ATF7IP2: variants seen among roughly 807,000 people sequenced by gnomAD.
The protein encoded by ATF7IP2 is activating transcription factor 7-interacting protein 2.
ATF7IP2 carries 42 observed loss-of-function variants against 64.2 expected under a neutral mutation model. The ratio of observed to expected loss-of-function variants is 0.65; its 90% CI spans 0.51 to 0.85. ATF7IP2 has a LOEUF of 0.85. Ranked by LOEUF, ATF7IP2 falls within the 40% of genes least tolerant of loss-of-function variation. The probability of loss-of-function intolerance (pLI) is 0.00; values close to 1 mark genes in which losing one functional copy is unlikely to be tolerated. For missense variants in ATF7IP2, 933 were observed against 784.2 expected (o/e 1.19, Z -2.27); for synonymous variants, 308 against 272.8 (o/e 1.13, Z -1.27).
intron 8 of ATF7IP2, among the ~76,000 whole-genome samples, chr16:10,455,607 A>T (rs1184466074): frequency 6.6e-6 from 1 of 152,224 alleles, no homozygotes; most frequent in South Asian, 2.1e-4. Flanking sequence ...GAGTAGGGTA[A>T]TGCATAGAGA....
In ATF7IP2 at chr16:10,428,915, C is replaced by G. The variant is rs1165378843; in HGVS notation, c.-112C>G. 6.6e-6 allele frequency: 1 copy of G among 151,770 alleles called. No individual in the cohort carries two copies. Among genetic ancestry groups the G allele is most frequent in the Non-Finnish European group, 1.5e-5 (1 of 67,958 alleles). 9.4% of individuals were successfully genotyped at this position (151,770 alleles called of 1,614,324 possible). A position where few individuals can be genotyped will look rare whatever the true frequency, so the allele number is the denominator to read the frequency against. On this transcript the variant is annotated 5_prime_UTR_variant, in exon 4 of 14. Transcript: ENST00000562102. Reference sequence around the variant, plus strand: ...TTGAGACACGGTCTCACTCTGTCACCCTTGCTGGAGTGCAGTGGTGCAATC... The same window carrying G: ...TTGAGACACGGTCTCACTCTGTCACGCTTGCTGGAGTGCAGTGGTGCAATC...
chr16:10,429,268 A>T (rs1169062409), intron 4 of ATF7IP2, among the ~76,000 whole-genome samples: 1 of 152,236 alleles, frequency 6.6e-6, no homozygotes, highest in Non-Finnish European at 1.5e-5. Flanking sequence ...TAGGAAAAAT[A>T]GAATTGTATA....
chr16:10,437,672 C>G (rs963433286), intron 6 of ATF7IP2, among the ~76,000 whole-genome samples: 1 of 152,156 alleles, frequency 6.6e-6, no homozygotes, highest in African/African-American at 2.4e-5. Context: ...GTAATTTGTT[C>G]TATATCTACT....
At chr16:10,420,630 A>T (rs2047972742) in intron 3 of ATF7IP2, among the ~76,000 whole-genome samples, 1 of 152,220 alleles carries the variant, frequency 6.6e-6, no homozygotes, top group Non-Finnish European at 1.5e-5. Flanking sequence ...TGTGAGTCCT[A>T]ATGTAAATGA....
rs185639399 is a variant in ATF7IP2, at chr16:10,469,064, T to C, written c.1353-3046T>C. ...ACTCTTCTGAAGAAATGAAACAACA[T>C]CCATTACCCAACAGCATAAATTTTA... is the stretch of plus-strand genomic sequence containing the variant. On this transcript the variant is annotated intron_variant, in intron 9 of 13. Transcript: ENST00000562102. Among the ~76,000 whole-genome samples the C allele has an allele frequency of 5.2e-4, 79 of 152,192 alleles. 2 individuals are homozygous for C. Among genetic ancestry groups the C allele is most frequent in the Admixed American group, 4.7e-3 (72 of 15,296 alleles).
At chr16:10,449,826 G>C (rs1483696793) in intron 8 of ATF7IP2, 1 of 151,984 alleles carries the variant, frequency 6.6e-6, no homozygotes, top group Non-Finnish European at 1.5e-5. Flanking sequence ...ATCTCCTTCA[G>C]TTCTGCTCTG....
At chr16:10,438,462 A>T (rs147147221) in intron 7 of ATF7IP2, among the ~76,000 whole-genome samples, 55 of 148,478 alleles carry the variant, frequency 3.7e-4, no homozygotes, top group African/African-American at 1.3e-3. Context: ...CATGTTGCCC[A>T]TGCTTCCCTC....
At chr16:10,422,142 T>C (rs1261372704) in intron 3 of ATF7IP2, among the ~76,000 whole-genome samples, 2 of 152,230 alleles carry the variant, frequency 1.3e-5, no homozygotes, top group African/African-American at 4.8e-5. Context: ...CTTTTTCTAA[T>C]TGTTCAGTAA....
intron 7 of ATF7IP2, among the ~76,000 whole-genome samples, chr16:10,439,017 C>T (rs1363195665): frequency 2.1e-5 from 3 of 140,936 alleles, no homozygotes; most frequent in Non-Finnish European, 4.5e-5. Flanking sequence ...TGCACCACTG[C>T]ACTCCAGTCT....
At chr16:10,459,218 C>T (rs2049287288) in intron 9 of ATF7IP2, among the ~76,000 whole-genome samples, 1 of 152,072 alleles carries the variant, frequency 6.6e-6, no homozygotes, top group African/African-American at 2.4e-5. Context: ...CCTTCCATCC[C>T]AGCACTTTCG....
chr16:10,425,377 T>C (rs1399540521), intron 3 of ATF7IP2, among the ~76,000 whole-genome samples: 1 of 151,570 alleles, frequency 6.6e-6, no homozygotes, highest in Non-Finnish European at 1.5e-5. Flanking sequence ...CAGCTGGAAA[T>C]CTTTAAAGGT....
chr16:10,405,610 C>G (rs770153952), intron 1 of ATF7IP2, among the ~76,000 whole-genome samples: 3 of 152,170 alleles, frequency 2.0e-5, no homozygotes, highest in Non-Finnish European at 4.4e-5. Flanking sequence ...AAGGAACATT[C>G]TTATCACATC....
At chr16:10,421,291 T>A (rs1471583810) in intron 3 of ATF7IP2, among the ~76,000 whole-genome samples, 1 of 152,134 alleles carries the variant, frequency 6.6e-6, no homozygotes, top group Non-Finnish European at 1.5e-5. Flanking sequence ...TTGAAAAAAA[T>A]TAGAAATCTA....
intron 2 of ATF7IP2, among the ~76,000 whole-genome samples, chr16:10,416,926 A>T (rs1325856732): frequency 6.6e-6 from 1 of 152,256 alleles, no homozygotes; most frequent in Non-Finnish European, 1.5e-5. Context: ...GATTGTTTGT[A>T]ACACAAAGGA....
chr16:10,435,543 T>C (rs1540524), intron 6 of ATF7IP2, among the ~76,000 whole-genome samples: 120,443 of 152,134 alleles, frequency 0.79, 48,490 homozygotes, highest in African/African-American at 0.95. Flanking sequence ...TGTCTTCCTT[T>C]TGTATAAGGA....
chr16:10,438,312 G>A, intron 7 of ATF7IP2, 77 bp downstream of exon 7: 1 of 1,407,274 alleles, frequency 7.1e-7, no homozygotes, highest in Admixed American at 2.5e-5. Flanking sequence ...CTGCAGTACG[G>A]TGGCTCACTG....
rs2049889282 is a variant in ATF7IP2, at chr16:10,473,631, C to A, written c.1482+97C>A. On this transcript the variant is annotated intron_variant, in intron 11 of 13. Coordinates refer to ENST00000562102, the MANE Select transcript of ATF7IP2 (RefSeq NM_001393719.1). ...ACATGTTGGATGATTTAGTTTTAGT[C>A]CACGTTACACACTGAAAAGCAGACA... 14 of 857,672 alleles carry A rather than the reference C, an allele frequency of 1.6e-5. No homozygotes were observed. The Admixed American group carries it at 2.4e-4, about 15-fold the overall frequency. The allele number at this position is 857,672 out of a possible 1,614,324, so 53.1% of individuals were successfully genotyped here.
intron 7 of ATF7IP2, among the ~76,000 whole-genome samples, chr16:10,439,026 C>G (rs1240489996): frequency 7.1e-6 from 1 of 141,542 alleles, no homozygotes; most frequent in African/African-American, 2.7e-5. Context: ...GCACTCCAGT[C>G]TGCCGACAGC....
intron 9 of ATF7IP2, among the ~76,000 whole-genome samples, chr16:10,463,269 AAAGCAGCAG>A (rs1283402852): frequency 1.3e-5 from 2 of 152,234 alleles, no homozygotes; most frequent in African/African-American, 2.4e-5. Flanking sequence ...TGTACTCTGG[AAAGCAGCAG>A]AGAGACACAG....
Sources: gnomAD v4.1 joint callset for allele counts (sites outside exome capture counted in the v4.1 genomes callset) on GRCh38, gnomAD v4.1.1 for gene constraint, MANE v1.5 for transcripts, NCBI Gene and HGNC (gene_info 2026-07-23, HGNC 2026-07-21) for gene names.